SNX8: variants seen among roughly 807,000 people sequenced by gnomAD.
SNX8 encodes sorting nexin 8.
Under a neutral mutation model 51.6 loss-of-function variants are expected in SNX8, and 25 were observed. The observed-to-expected ratio is 0.48, with a 90% CI of 0.35 to 0.68. SNX8 has a LOEUF of 0.68. Ranked by LOEUF, SNX8 falls within the 30% of genes least tolerant of loss-of-function variation. The pLI, the probability that SNX8 is intolerant of heterozygous loss-of-function variation, is 0.00. For synonymous variants in SNX8, 324 were observed against 277.0 expected, an observed-to-expected ratio of 1.17 and a Z score of -1.68; for missense variants, 695 against 624.0, an observed-to-expected ratio of 1.11 and a Z score of -1.21.
At chr7:2,299,011 T>C (rs915113191) in intron 1 of SNX8, among the ~76,000 whole-genome samples, 1 of 152,000 alleles carries the variant, frequency 6.6e-6, no homozygotes, top group South Asian at 2.1e-4. Context: ...TCTTTTTTAA[T>C]GGGCCTATAC....
At chr7:2,271,810 C>T (rs1386418754) in intron 4 of SNX8, 40 bp downstream of exon 4, 2 of 1,565,742 alleles carry the variant, frequency 1.3e-6, no homozygotes, top group Admixed American at 1.9e-5. Context: ...GGCTCGGGGA[C>T]TCCCCGGGGC....
chr7:2,259,500 A>G (rs1255517902), intron 7 of SNX8, among the ~76,000 whole-genome samples: 1 of 152,144 alleles, frequency 6.6e-6, no homozygotes, highest in Non-Finnish European at 1.5e-5. Flanking sequence ...GTTTTACGGG[A>G]CACAGCCCTG....
chr7:2,331,327 TACA>T lies in SNX8; in HGVS notation c.-66+22892_-66+22894del, dbSNP rs561156384. ...AATCTGATTTAGCCATATTGTAAGA[TACA>T]ACATCAAATATAAAATTCAATTATA... On this transcript the variant is annotated intron_variant, in intron 1 of 5. Coordinates refer to the SNX8 transcript ENST00000435336. Among the ~76,000 whole-genome samples the T allele has an allele frequency of 2.0e-5, 3 of 151,884 alleles. No individual in the cohort carries two copies. The South Asian group carries it at 6.2e-4, about 31-fold the overall frequency.
In SNX8 at chr7:2,314,380, G is replaced by A. The variant is rs1269746541; in HGVS notation, c.42C>T (p.Val14=). The part of the protein sequence containing the change: ...RAMDPLPAAA[V]GAAAEAEADE... ...CAGCCTCCGCCTCAGCTGCCGCCCC[G>A]ACTGCAGCCGCGGGCAGCGGGTCCA... Residue 14 remains valine, a synonymous_variant, in exon 1 of 11, where the codon GTC becomes GTT. Transcript: ENST00000222990. 1 of 1,222,442 alleles carries A rather than the reference G, an allele frequency of 8.2e-7. No homozygotes were observed. The allele number at this position is 1,222,442 out of a possible 1,614,324, so 75.7% of individuals were successfully genotyped here.
intron 1 of SNX8, among the ~76,000 whole-genome samples, chr7:2,329,451 C>G (rs920984772): frequency 6.6e-6 from 1 of 152,142 alleles, no homozygotes; most frequent in Non-Finnish European, 1.5e-5. Flanking sequence ...CGTTGTTTTT[C>G]GTGCGGGGGC....
intron 1 of SNX8, chr7:2,309,905 C>G: frequency 2.1e-6 from 1 of 469,948 alleles, no homozygotes; most frequent in South Asian, 1.6e-5. Context: ...GGTGAAGGAG[C>G]CCCGAGGGTC....
intron 1 of SNX8, among the ~76,000 whole-genome samples, chr7:2,340,874 A>C (rs935778823): frequency 6.7e-6 from 1 of 149,758 alleles, no homozygotes; most frequent in African/African-American, 2.5e-5. Context: ...AAAAAAAAAA[A>C]AAAAAAAAAA....
chr7:2,272,061 G>T (rs1795660967), intron 3 of SNX8, 90 bp from the exon 4 acceptor site: 1 of 1,555,054 alleles, frequency 6.4e-7, no homozygotes, highest in South Asian at 1.2e-5. Flanking sequence ...CTCCCTAGAG[G>T]TGGCAGAGGG....
At chr7:2,272,358 G>A (rs572293719) in intron 3 of SNX8, among the ~76,000 whole-genome samples, 42 of 151,272 alleles carry the variant, frequency 2.8e-4, no homozygotes, top group Middle Eastern at 3.5e-3. Context: ...TAACACTAAC[G>A]CAACCCAGGT....
chr7:2,349,933 C>G (rs1251872829), intron 1 of SNX8, among the ~76,000 whole-genome samples: 1 of 152,090 alleles, frequency 6.6e-6, no homozygotes, highest in Non-Finnish European at 1.5e-5. Context: ...GAGTCTCAGT[C>G]CTCTCCAGCC....
At chr7:2,322,197 C>A (rs1201928597) in intron 1 of SNX8, among the ~76,000 whole-genome samples, 1 of 152,152 alleles carries the variant, frequency 6.6e-6, no homozygotes, top group Non-Finnish European at 1.5e-5. Context: ...TTTAACTACA[C>A]AGGAGGACGT....
At chr7:2,349,930 A>C (rs1779106302) in intron 1 of SNX8, among the ~76,000 whole-genome samples, 1 of 152,052 alleles carries the variant, frequency 6.6e-6, no homozygotes. Flanking sequence ...TCAGAGTCTC[A>C]GTCCTCTCCA....
At chr7:2,332,409 T>A (rs1778752777) in intron 1 of SNX8, among the ~76,000 whole-genome samples, 1 of 152,084 alleles carries the variant, frequency 6.6e-6, no homozygotes, top group African/African-American at 2.4e-5. Context: ...TTATGAGCTA[T>A]AAATTTCATA....
rs1464595634 is a variant in SNX8 at position 2,274,962 on chromosome 7, C to T, written c.418+150G>A. Reference sequence around the variant, plus strand: ...CACCAAGGCTGGGCTCAAGCCACAGCTCTGTCCCAGATGCCAAAAGGCTGG... The same window carrying T: ...CACCAAGGCTGGGCTCAAGCCACAGTTCTGTCCCAGATGCCAAAAGGCTGG... On this transcript the variant is annotated intron_variant, in intron 3 of 10. Transcript: ENST00000222990. 6.4e-6 allele frequency: 4 copies of T among 628,330 alleles called. No homozygotes were observed. In the East Asian group the frequency reaches 1.1e-4, roughly 17 times the overall value. The allele number at this position is 628,330 out of a possible 1,614,324, so 38.9% of individuals were successfully genotyped here.
intron 1 of SNX8, among the ~76,000 whole-genome samples, chr7:2,334,712 C>CA (rs1202870078): frequency 2.0e-5 from 3 of 149,798 alleles, no homozygotes; most frequent in Non-Finnish European, 4.5e-5. Flanking sequence ...AAAACAAAAA[C>CA]AAAAACAATT....
In SNX8 at chr7:2,346,476, G is replaced by A. The variant is rs575287742; in HGVS notation, c.-66+7746C>T. 9.9e-5 allele frequency among the ~76,000 whole-genome samples: 15 copies of A among 151,164 alleles called. No individual in the cohort carries two copies. In the South Asian group the frequency reaches 2.1e-3, roughly 21 times the overall value. ...AAAAAAAGGTGAGGCAGCCAGGCAC[G>A]GTGGCTCACACCTGTAATCCCAGCA... is the stretch of plus-strand genomic sequence containing the variant. On this transcript the variant is annotated intron_variant, in intron 1 of 5. Coordinates refer to the SNX8 transcript ENST00000435336.
intron 5 of SNX8, among the ~76,000 whole-genome samples, chr7:2,269,218 C>CTG (rs1795577467): frequency 6.6e-6 from 1 of 150,938 alleles, no homozygotes; most frequent in African/African-American, 2.4e-5. Flanking sequence ...TCCTGTTGAT[C>CTG]TGTGACCTTA....
At chr7:2,339,245 G>A (rs12699847) in intron 1 of SNX8, among the ~76,000 whole-genome samples, 59,582 of 151,336 alleles carry the variant, frequency 0.39, 14,157 homozygotes, top group East Asian at 0.56. Flanking sequence ...TGGCCCTGTC[G>A]CTCAGGCTGG....
At chr7:2,326,131 G>C (rs891621008) in intron 1 of SNX8, among the ~76,000 whole-genome samples, 1 of 152,056 alleles carries the variant, frequency 6.6e-6, no homozygotes, top group Non-Finnish European at 1.5e-5. Flanking sequence ...CAGCACTGTG[G>C]GAGGCTGAGT....
Sources: gnomAD v4.1 joint callset for allele counts (sites outside exome capture counted in the v4.1 genomes callset) on GRCh38, gnomAD v4.1.1 for gene constraint, MANE v1.5 for transcripts, NCBI Gene and HGNC (gene_info 2026-07-23, HGNC 2026-07-21) for gene names.